Variants in BICD1 observed in about 807,000 individuals in gnomAD.
The protein encoded by BICD1 is protein bicaudal D homolog 1.
Under a neutral mutation model 92.5 loss-of-function variants are expected in BICD1, and 35 were observed. That is an observed-to-expected ratio of 0.38 (90% confidence interval 0.29 to 0.50). The LOEUF is 0.50. BICD1 is among the 20% of genes least tolerant of loss of function. The pLI, the probability that BICD1 is intolerant of heterozygous loss-of-function variation, is 0.93. For missense variants in BICD1, 950 were observed against 1,189.8 expected (o/e 0.80, Z 2.97); for synonymous variants, 429 against 465.1 (o/e 0.92, Z 1.00).
chr12:32,196,753 A>C (rs1248779793), intron 1 of BICD1, among the ~76,000 whole-genome samples: 1 of 152,216 alleles, frequency 6.6e-6, no homozygotes, highest in Non-Finnish European at 1.5e-5. Context: ...AAATTAGATA[A>C]GAAGATAGAT....
intron 2 of BICD1, among the ~76,000 whole-genome samples, chr12:32,289,798 C>T (rs906575347): frequency 2.0e-5 from 3 of 152,186 alleles, no homozygotes; most frequent in Non-Finnish European, 4.4e-5. Context: ...GGCATATTTG[C>T]TTAAAATAAT....
intron 4 of BICD1, among the ~76,000 whole-genome samples, chr12:32,309,468 G>A (rs559508394): frequency 5.3e-5 from 8 of 152,156 alleles, no homozygotes; most frequent in East Asian, 1.9e-4. Context: ...TGCAGCATCC[G>A]GTGATCAAAT....
At chr12:32,302,880 A>ATTT (rs371035402) in intron 3 of BICD1, among the ~76,000 whole-genome samples, 60,911 of 109,400 alleles carry the variant, frequency 0.56, 18,452 homozygotes, top group Non-Finnish European at 0.67. Flanking sequence ...TCCAATGACC[A>ATTT]TTTTTTTTTT....
chr12:32,216,600 T>C, intron 2 of BICD1, 141 bp downstream of exon 2: 1 of 809,554 alleles, frequency 1.2e-6, no homozygotes, highest in Non-Finnish European at 1.9e-6. Flanking sequence ...GCTAGCAACT[T>C]TTCTTTTTTA....
intron 1 of BICD1, among the ~76,000 whole-genome samples, chr12:32,156,844 A>G (rs1160404198): frequency 6.6e-6 from 1 of 152,252 alleles, no homozygotes; most frequent in Non-Finnish European, 1.5e-5. Flanking sequence ...TTCATATATT[A>G]TTTGAAAATT....
At chr12:32,289,665 A>G (rs976416659) in intron 2 of BICD1, among the ~76,000 whole-genome samples, 4 of 152,186 alleles carry the variant, frequency 2.6e-5, no homozygotes, top group Admixed American at 2.0e-4. Context: ...TTACAGGCGT[A>G]AGCCACCGCA....
chr12:32,191,643 A>G (rs1340712466), intron 1 of BICD1, among the ~76,000 whole-genome samples: 1 of 147,554 alleles, frequency 6.8e-6, no homozygotes, highest in Non-Finnish European at 1.5e-5. Context: ...GTTATATATT[A>G]TATGTTATAT....
At chr12:32,306,527 G>A (rs1948229707) in intron 4 of BICD1, among the ~76,000 whole-genome samples, 1 of 152,054 alleles carries the variant, frequency 6.6e-6, no homozygotes, top group African/African-American at 2.4e-5. Context: ...ACAGGCGTGA[G>A]CCACCGCGCC....
rs1047777346 is a variant in BICD1, at chr12:32,129,298, C to T, written c.213+21754C>T. ...CCAGCACTTTGGGAGTCCAGGCAGA[C>T]GGATCACCTGAGGTCAGGAGTTGGA... On this transcript the variant is annotated intron_variant, in intron 1 of 9. Coordinates refer to ENST00000652176, the MANE Select transcript of BICD1 (RefSeq NM_001714.4). Among the ~76,000 whole-genome samples the T allele has an allele frequency of 1.6e-4, 24 of 151,080 alleles. No homozygotes were observed. The South Asian group carries it at 2.5e-3, about 16-fold the overall frequency.
rs114927872 is a variant in BICD1, at chr12:32,269,713, T to C, written c.427-24281T>C. Among the ~76,000 whole-genome samples, 507 of 152,336 alleles carry C rather than the reference T, an allele frequency of 3.3e-3. 5 individuals carry two copies. Among genetic ancestry groups the C allele is most frequent in the African/African-American group, 0.011 (478 of 41,578 alleles). On this transcript the variant is annotated intron_variant, in intron 2 of 9. Coordinates refer to ENST00000652176, the MANE Select transcript of BICD1 (RefSeq NM_001714.4). Reference sequence around the variant, plus strand: ...GGCTGAGACACTGGTCGATCACCCATTAGGAATATATGCTAAAATTGTTGC... The same window carrying C: ...GGCTGAGACACTGGTCGATCACCCACTAGGAATATATGCTAAAATTGTTGC...
At chr12:32,199,203 T>C (rs917304969) in intron 1 of BICD1, among the ~76,000 whole-genome samples, 4 of 152,204 alleles carry the variant, frequency 2.6e-5, no homozygotes, top group Non-Finnish European at 5.9e-5. Flanking sequence ...AAAAATTATA[T>C]AAGACATCAC....
At chr12:32,222,478 G>GATCT (rs1945560915) in intron 2 of BICD1, among the ~76,000 whole-genome samples, 1 of 152,040 alleles carries the variant, frequency 6.6e-6, no homozygotes, top group African/African-American at 2.4e-5. Flanking sequence ...AGAGCACATG[G>GATCT]GTACCAAGTG....
intron 2 of BICD1, among the ~76,000 whole-genome samples, chr12:32,232,336 C>T (rs1471657194): frequency 2.6e-5 from 4 of 151,684 alleles, no homozygotes; most frequent in Non-Finnish European, 5.9e-5. Flanking sequence ...CTCTGATGGC[C>T]AGTGATGGTG....
At chr12:32,202,931 G>T (rs1944947094) in intron 1 of BICD1, among the ~76,000 whole-genome samples, 1 of 152,122 alleles carries the variant, frequency 6.6e-6, no homozygotes, top group Non-Finnish European at 1.5e-5. Flanking sequence ...ATAACTTAAT[G>T]AATAAGGTTT....
At chr12:32,116,140 A>G (rs1673863) in intron 1 of BICD1, among the ~76,000 whole-genome samples, 43,973 of 149,202 alleles carry the variant, frequency 0.29, 6,597 homozygotes, top group Admixed American at 0.44. Context: ...CTATAAAATT[A>G]AGGTGTTGCA....
intron 3 of BICD1, among the ~76,000 whole-genome samples, chr12:32,301,639 G>A (rs1948049947): frequency 6.6e-6 from 1 of 151,886 alleles, no homozygotes; most frequent in African/African-American, 2.4e-5. Flanking sequence ...GCCAAGCATG[G>A]AGGTATGCGC....
At chr12:32,372,626 C>T (rs189129647) in intron 9 of BICD1, among the ~76,000 whole-genome samples, 2 of 152,286 alleles carry the variant, frequency 1.3e-5, no homozygotes, top group Admixed American at 6.5e-5. Context: ...CCTCTGTAGT[C>T]CCAGCACTTT....
intron 1 of BICD1, among the ~76,000 whole-genome samples, chr12:32,194,431 C>T (rs1944666207): frequency 6.6e-6 from 1 of 152,142 alleles, no homozygotes; most frequent in Non-Finnish European, 1.5e-5. Flanking sequence ...ATGTCATGAT[C>T]TTATATATTA....
At chr12:32,321,241 G>A (rs897262742) in intron 4 of BICD1, among the ~76,000 whole-genome samples, 6 of 152,056 alleles carry the variant, frequency 3.9e-5, no homozygotes, top group East Asian at 1.9e-4. Flanking sequence ...CAGGAGAATC[G>A]CTTGAACCCC....
Sources: allele counts gnomAD v4.1 joint callset (sites outside exome capture counted in the v4.1 genomes callset), GRCh38; gene constraint gnomAD v4.1.1; transcripts MANE v1.5; gene names NCBI Gene and HGNC (gene_info 2026-07-23, HGNC 2026-07-21).